Variants in MTUS1 observed in about 807,000 individuals in gnomAD.
The protein encoded by MTUS1 is microtubule associated scaffold protein 1.
Under a neutral mutation model 120.8 loss-of-function variants are expected in MTUS1, and 109 were observed. The observed-to-expected ratio is 0.90, with a 90% CI of 0.77 to 1.06. MTUS1 has a LOEUF of 1.06. MTUS1 is among the 50% of genes least tolerant of loss of function. MTUS1 has a pLI of 0.00. For synonymous variants in MTUS1, 737 were observed against 550.5 expected (o/e 1.34, Z -4.74); for missense variants, 2,210 against 1,486.3 (o/e 1.49, Z -8.01).
chr8:17,716,278 C>G (rs1213585514), intron 4 of MTUS1, among the ~76,000 whole-genome samples: 1 of 152,140 alleles, frequency 6.6e-6, no homozygotes, highest in Non-Finnish European at 1.5e-5. Flanking sequence ...GAAGAATTCG[C>G]ACAGTCAGCT....
At position 17,684,398 on chromosome 8, in the gene MTUS1, T is replaced by G. The variant is rs760020884; in HGVS notation, c.2768A>C (p.Lys923Thr). The G allele has an allele frequency of 4.3e-6, 7 of 1,614,240 alleles. No homozygotes were observed. The highest frequency in any genetic ancestry group is 5.9e-6 in the Non-Finnish European group (7 of 1,180,034). ...ENQSGFILQL[K>T]QLLACGNTKF... is the part of the protein sequence containing the mutation. ...GGTATTACCACAGGCAAGAAGCTGC[T>G]TGAGCTGCAGGATAAATCCACTTTG... The change falls in exon 7 of 15, where the codon AAG becomes ACG. Residue 923 changes from lysine (K) to threonine (T), a missense_variant. Transcript: ENST00000693296.
intron 1 of MTUS1, among the ~76,000 whole-genome samples, chr8:17,758,977 G>A (rs1231392066): frequency 5.3e-5 from 8 of 152,198 alleles, no homozygotes; most frequent in Non-Finnish European, 8.8e-5. Context: ...CGCCTCCCGG[G>A]TTCAAGCGAT....
At chr8:17,729,484 T>A (rs2046419151) in intron 3 of MTUS1, among the ~76,000 whole-genome samples, 3 of 152,004 alleles carry the variant, frequency 2.0e-5, no homozygotes, top group African/African-American at 7.2e-5. Flanking sequence ...GAAAAAGAAA[T>A]CCCTTACTTT....
intron 8 of MTUS1, among the ~76,000 whole-genome samples, chr8:17,665,506 T>A (rs1292902555): frequency 7.9e-6 from 1 of 127,018 alleles, no homozygotes; most frequent in Admixed American, 8.7e-5. Context: ...GAGCTGGATC[T>A]ACAACTCCAG....
chr8:17,669,578 G>A (rs1483870116), intron 8 of MTUS1, among the ~76,000 whole-genome samples: 1 of 152,142 alleles, frequency 6.6e-6, no homozygotes, highest in Non-Finnish European at 1.5e-5. Context: ...AGGAGTGGTG[G>A]CTCAAGCCTA....
At chr8:17,794,112 G>A (rs2131595789) in intron 1 of MTUS1, among the ~76,000 whole-genome samples, 1 of 152,218 alleles carries the variant, frequency 6.6e-6, no homozygotes, top group Non-Finnish European at 1.5e-5. Flanking sequence ...TGGATCACCT[G>A]AGGTCAGGAG....
chr8:17,795,274 T>G (rs550433397), intron 1 of MTUS1, among the ~76,000 whole-genome samples: 1 of 152,320 alleles, frequency 6.6e-6, no homozygotes, highest in South Asian at 2.1e-4. Context: ...TTTCCCAAGA[T>G]TCCCTTTTCA....
At position 17,645,490 on chromosome 8, in the gene MTUS1, CTG is replaced by C. The variant is rs3832597; in HGVS notation, c.*434_*435del. The C allele has an allele frequency of 0.044, 7,446 of 167,572 alleles. 338 individuals are homozygous for C. The highest frequency in any genetic ancestry group is 0.11 in the African/African-American group (4,443 of 41,734). 10.4% of individuals were successfully genotyped at this position (167,572 alleles called of 1,614,324 possible). On this transcript the variant is annotated 3_prime_UTR_variant, in exon 15 of 15. Transcript: ENST00000693296. The stretch of plus-strand genomic sequence containing the variant: ...GAGGCTGCATCAGACACATGACACT[CTG>C]TGACATCCATTTCATTCACACCCCC...
chr8:17,690,793 T>G (rs1312652380), intron 6 of MTUS1, among the ~76,000 whole-genome samples: 2 of 152,160 alleles, frequency 1.3e-5, no homozygotes, highest in Non-Finnish European at 2.9e-5. Context: ...CAGAGCCACA[T>G]AATTGCTGAT....
chr8:17,761,913 T>C (rs2049064221), intron 1 of MTUS1, among the ~76,000 whole-genome samples: 1 of 152,232 alleles, frequency 6.6e-6, no homozygotes, highest in South Asian at 2.1e-4. Flanking sequence ...TATTACCTGA[T>C]CTTCAACCTC....
At chr8:17,740,000 G>T (rs1335330256) in intron 3 of MTUS1, among the ~76,000 whole-genome samples, 1 of 152,198 alleles carries the variant, frequency 6.6e-6, no homozygotes, top group Admixed American at 6.5e-5. Context: ...GAGGTCAGAA[G>T]TTCGAGACCG....
At chr8:17,711,634 C>A (rs543853807) in intron 6 of MTUS1, among the ~76,000 whole-genome samples, 1 of 152,320 alleles carries the variant, frequency 6.6e-6, no homozygotes, top group African/African-American at 2.4e-5. Flanking sequence ...TGAGTGTTCA[C>A]TAGAGGAGCA....
At chr8:17,747,461 G>A (rs765873305) in intron 2 of MTUS1, among the ~76,000 whole-genome samples, 8 of 152,082 alleles carry the variant, frequency 5.3e-5, no homozygotes, top group Non-Finnish European at 2.9e-5. Context: ...TTACTGTATT[G>A]ATAGAGGCAG....
At chr8:17,752,664 AG>A (rs1231500391) in intron 2 of MTUS1, among the ~76,000 whole-genome samples, 1 of 152,170 alleles carries the variant, frequency 6.6e-6, no homozygotes, top group East Asian at 1.9e-4. Flanking sequence ...GACACACCTA[AG>A]TCAGCCCTTC....
intron 8 of MTUS1, among the ~76,000 whole-genome samples, chr8:17,664,249 T>G (rs1810405164): frequency 6.6e-6 from 1 of 152,134 alleles, no homozygotes; most frequent in South Asian, 2.1e-4. Flanking sequence ...CGCAATAGAA[T>G]TTTCCTAATT....
chr8:17,716,004 C>A (rs547374587), intron 4 of MTUS1, 103 bp from the exon 5 acceptor site: 10 of 1,016,266 alleles, frequency 9.8e-6, no homozygotes, highest in African/African-American at 3.2e-5. Context: ...TCAATAAGCA[C>A]CTACGACATG....
At chr8:17,791,666 C>A (rs1007022368) in intron 1 of MTUS1, among the ~76,000 whole-genome samples, 3 of 152,182 alleles carry the variant, frequency 2.0e-5, no homozygotes, top group African/African-American at 7.2e-5. Context: ...AAGCTGGAGT[C>A]TGAGAATAAA....
intron 6 of MTUS1, among the ~76,000 whole-genome samples, chr8:17,701,609 G>A (rs1819098118): frequency 2.0e-5 from 3 of 152,154 alleles, no homozygotes; most frequent in African/African-American, 7.2e-5. Flanking sequence ...GTGCAGTGGC[G>A]TGATCTCGGC....
intron 8 of MTUS1, among the ~76,000 whole-genome samples, chr8:17,670,542 G>A (rs1811803615): frequency 6.6e-6 from 1 of 152,184 alleles, no homozygotes; most frequent in South Asian, 2.1e-4. Context: ...GCAGACATCT[G>A]ACCAGGTGCC....
Sources: gnomAD v4.1 joint callset for allele counts (sites outside exome capture counted in the v4.1 genomes callset) on GRCh38, gnomAD v4.1.1 for gene constraint, MANE v1.5 for transcripts, NCBI Gene and HGNC (gene_info 2026-07-23, HGNC 2026-07-21) for gene names.